LRRC37A: variants seen among roughly 807,000 people sequenced by gnomAD.
LRRC37A encodes the protein leucine-rich repeat-containing protein 37A.
LRRC37A carries 3 observed loss-of-function variants against 35.4 expected under a neutral mutation model. That is an observed-to-expected ratio of 0.08 (90% CI 0.04 to 0.22). The LOEUF (loss-of-function observed/expected upper bound fraction) is 0.22, where lower values mean the gene tolerates loss of function less well. Ranked by LOEUF, LRRC37A falls within the 10% of genes least tolerant of loss-of-function variation. LRRC37A has a pLI of 1.00. For missense variants in LRRC37A, 67 were observed against 565.3 expected, an observed-to-expected ratio of 0.12 and a Z score of 8.94; for synonymous variants, 23 against 215.0, an observed-to-expected ratio of 0.11 and a Z score of 7.81.
chr17:46,273,602 A>G, the LRRC37A span, among the ~76,000 whole-genome samples: 1 of 152,276 alleles, frequency 6.6e-6, no homozygotes. Context: ...AGTTGATAGG[A>G]CAAAGCTAAT....
chr17:46,317,167 C>T (rs1433597018), intron 5 of LRRC37A, among the ~76,000 whole-genome samples: 9 of 89,508 alleles, frequency 1.0e-4, no homozygotes, highest in South Asian at 4.4e-4. Context: ...AGAGGCGCTC[C>T]TCACATCCCA....
the LRRC37A span, among the ~76,000 whole-genome samples, chr17:46,276,199 T>A: frequency 6.6e-6 from 1 of 152,228 alleles, no homozygotes; most frequent in Non-Finnish European, 1.5e-5. Flanking sequence ...CCTCACAACT[T>A]TTGTCAGTAA....
chr17:46,274,481 T>A, the LRRC37A span, among the ~76,000 whole-genome samples: 1 of 152,382 alleles, frequency 6.6e-6, no homozygotes, highest in Non-Finnish European at 1.5e-5. Flanking sequence ...TGCACATGTG[T>A]ACATAGCAGC....
chr17:46,325,087 G>C (rs1810183), intron 7 of LRRC37A, among the ~76,000 whole-genome samples: 56,884 of 68,224 alleles, frequency 0.83, 26,671 homozygotes, highest in South Asian at 1. Flanking sequence ...TTCTTATCTT[G>C]ACCAGGTTGT....
chr17:46,277,494 C>G, the LRRC37A span, among the ~76,000 whole-genome samples: 1 of 152,190 alleles, frequency 6.6e-6, no homozygotes, highest in Non-Finnish European at 1.5e-5. Flanking sequence ...GGAATAACCA[C>G]CATGTACAAA....
chr17:46,286,200 A>G, the LRRC37A span, among the ~76,000 whole-genome samples: 1 of 152,284 alleles, frequency 6.6e-6, no homozygotes, highest in East Asian at 1.9e-4. Context: ...AAATAGTTTT[A>G]GTATTGTGGT....
chr17:46,270,768 A>T, the LRRC37A span, among the ~76,000 whole-genome samples: 51 of 152,298 alleles, frequency 3.3e-4, no homozygotes, highest in Admixed American at 7.8e-4. Flanking sequence ...TTAGCTGGGC[A>T]TGGTGGTGCA....
At chr17:46,277,653 CTT>C in the LRRC37A span, among the ~76,000 whole-genome samples, 1 of 137,818 alleles carries the variant, frequency 7.3e-6, no homozygotes. Context: ...TTCTTTCTTT[CTT>C]TTTTTTTTTT....
chr17:46,285,499 A>T, the LRRC37A span, among the ~76,000 whole-genome samples: 1 of 150,962 alleles, frequency 6.6e-6, no homozygotes, highest in African/African-American at 2.4e-5. Context: ...CTCAGCCCCC[A>T]CAAAGTGCTG....
At chr17:46,259,550 A>G in the LRRC37A span, 3 of 1,610,692 alleles carry the variant, frequency 1.9e-6, no homozygotes, top group Non-Finnish European at 2.5e-6. Flanking sequence ...GAATGGAGTC[A>G]CTGTTTAACC....
At chr17:46,268,400 C>A in the LRRC37A span, 1 of 905,720 alleles carries the variant, frequency 1.1e-6, no homozygotes, top group Non-Finnish European at 1.5e-6. Flanking sequence ...ACTTGTGCAG[C>A]AAGATAGTAG....
intron 7 of LRRC37A, among the ~76,000 whole-genome samples, chr17:46,328,064 T>C (rs891258883): frequency 2.7e-5 from 1 of 36,372 alleles, no homozygotes; most frequent in African/African-American, 4.8e-5. Context: ...TTCAGACTTC[T>C]TAAAAGTCTA....
chr17:46,282,184 G>A, the LRRC37A span, among the ~76,000 whole-genome samples: 1 of 123,414 alleles, frequency 8.1e-6, no homozygotes, highest in Non-Finnish European at 2.0e-5. Context: ...CTCACTGCAA[G>A]CTCTGTCTCC....
chr17:46,292,148 A>T (rs1294406323), upstream of LRRC37A, among the ~76,000 whole-genome samples: 1 of 126,600 alleles, frequency 7.9e-6, no homozygotes, highest in African/African-American at 2.8e-5. Context: ...CTTGGCTAAC[A>T]TGGTGAAACC....
At chr17:46,259,019 A>ATTGTTTTTTTTTTT in the LRRC37A span, among the ~76,000 whole-genome samples, 1 of 79,468 alleles carries the variant, frequency 1.3e-5, no homozygotes, top group Non-Finnish European at 2.2e-5. Context: ...CACCCGGCCT[A>ATTGTTTTTTTTTTT]TTTTTTTTTT....
chr17:46,324,054 C>T (rs1323932930), intron 7 of LRRC37A, among the ~76,000 whole-genome samples: 2 of 116,574 alleles, frequency 1.7e-5, no homozygotes, highest in African/African-American at 5.9e-5. Flanking sequence ...GACAACTGTT[C>T]ACTCCTTTTT....
upstream of LRRC37A, among the ~76,000 whole-genome samples, chr17:46,290,762 T>C (rs1323103417): frequency 6.6e-6 from 1 of 152,236 alleles, no homozygotes; most frequent in Non-Finnish European, 1.5e-5. Context: ...AGCTATAGTT[T>C]TATAGATTCT....
the LRRC37A span, among the ~76,000 whole-genome samples, chr17:46,252,381 T>C: frequency 1.0e-3 from 151 of 145,872 alleles, 5 homozygotes; most frequent in African/African-American, 2.5e-3. Flanking sequence ...TTCTTTCTTT[T>C]TTTTTTTTTT....
chr17:46,268,284 G>A, the LRRC37A span, among the ~76,000 whole-genome samples: 1 of 152,180 alleles, frequency 6.6e-6, no homozygotes, highest in Non-Finnish European at 1.5e-5. Flanking sequence ...CTCCCAAAGT[G>A]CTAGGATTAA....
Sources: allele counts gnomAD v4.1 joint callset (sites outside exome capture counted in the v4.1 genomes callset), GRCh38; gene constraint gnomAD v4.1.1; transcripts MANE v1.5; gene names NCBI Gene and HGNC (gene_info 2026-07-23, HGNC 2026-07-21).